SH2D4A: variants seen among roughly 807,000 people sequenced by gnomAD.
SH2D4A encodes the protein SH2 domain-containing protein 4A.
In SH2D4A, 70 loss-of-function variants were observed where a neutral mutation model predicts 64.7. The ratio of observed to expected loss-of-function variants is 1.08; its 90% confidence interval spans 0.89 to 1.32. SH2D4A has a LOEUF of 1.32. SH2D4A is among the 40% of genes most tolerant of loss of function. The pLI, the probability that SH2D4A is intolerant of heterozygous loss-of-function variation, is 0.00. For synonymous variants in SH2D4A, 268 were observed against 200.7 expected (o/e 1.34, Z -2.83); for missense variants, 706 against 540.1 (o/e 1.31, Z -3.04).
intron 1 of SH2D4A, among the ~76,000 whole-genome samples, chr8:19,318,009 T>A (rs2052119521): frequency 6.6e-6 from 1 of 152,136 alleles, no homozygotes; most frequent in Non-Finnish European, 1.5e-5. Flanking sequence ...TCAAGCGATC[T>A]CCTGTCTCAG....
intron 4 of SH2D4A, among the ~76,000 whole-genome samples, chr8:19,338,113 G>A (rs1289771921): frequency 6.6e-6 from 1 of 152,098 alleles, no homozygotes; most frequent in Non-Finnish European, 1.5e-5. Context: ...CAGCAGCCCT[G>A]GGTAGTGAAT....
chr8:19,394,598 G>T lies in SH2D4A; in HGVS notation c.1321G>T (p.Gly441Cys), dbSNP rs781212047. ...LGKELLLYPC[G>C]QQDQLPDYLE... ...GAAGGAGCTCCTTCTCTATCCCTGT[G>T]GTCAGCAGGACCAGCTGCCTGACTA... is the stretch of plus-strand genomic sequence containing the variant. Residue 441 changes from glycine (G) to cysteine (C), a missense_variant, in exon 10 of 10, where the codon GGT (glycine) becomes TGT (cysteine). Gly to Cys is a radical substitution (Grantham distance 159). Transcript: ENST00000265807. 1.9e-6 allele frequency: 3 copies of T among 1,608,274 alleles called. No homozygotes were observed. Among genetic ancestry groups the T allele is most frequent in the African/African-American group, 1.3e-5 (1 of 74,872 alleles).
At chr8:19,377,716 ATTC>A (rs1246446773) in intron 8 of SH2D4A, among the ~76,000 whole-genome samples, 1 of 151,768 alleles carries the variant, frequency 6.6e-6, no homozygotes, top group African/African-American at 2.4e-5. Flanking sequence ...ACGTATCATT[ATTC>A]ATCTCTCCTA....
intron 8 of SH2D4A, among the ~76,000 whole-genome samples, chr8:19,383,111 A>G (rs2053325735): frequency 6.6e-6 from 1 of 151,882 alleles, no homozygotes; most frequent in South Asian, 2.1e-4. Context: ...CTTGCATCAA[A>G]TTTGGGAAGT....
chr8:19,347,352 G>A (rs377153031), intron 4 of SH2D4A, among the ~76,000 whole-genome samples: 3 of 152,186 alleles, frequency 2.0e-5, no homozygotes, highest in East Asian at 3.8e-4. Flanking sequence ...TGTGTGAACC[G>A]ACTCACCCTA....
intron 4 of SH2D4A, among the ~76,000 whole-genome samples, chr8:19,342,980 G>C (rs900543527): frequency 6.6e-6 from 1 of 152,140 alleles, no homozygotes; most frequent in Non-Finnish European, 1.5e-5. Context: ...GCTCTAGCAC[G>C]CTGCTTCCGT....
chr8:19,334,742 A>ATC lies in SH2D4A; in HGVS notation c.400_401dup (p.Gln135CysfsTer58). On this transcript the variant is annotated frameshift_variant, in exon 4 of 10. Coordinates refer to ENST00000265807, the MANE Select transcript of SH2D4A (RefSeq NM_022071.4). LOFTEE classifies it high-confidence loss of function. ...TTGAAAACAAAATCACAGTACCATGATCTGCAGGCTCCGGATAACCAGCAG... is the reference window on the plus strand; with the variant it reads ...TTGAAAACAAAATCACAGTACCATGATCTCTGCAGGCTCCGGATAACCAGCAG... The ATC allele has an allele frequency of 6.2e-7, 1 of 1,614,142 alleles. No homozygotes were observed.
intron 7 of SH2D4A, among the ~76,000 whole-genome samples, chr8:19,369,790 C>T (rs1052065243): frequency 2.0e-5 from 3 of 151,934 alleles, no homozygotes; most frequent in African/African-American, 7.2e-5. Context: ...TCATATTTTG[C>T]ACAGTTCTGT....
intron 4 of SH2D4A, among the ~76,000 whole-genome samples, chr8:19,340,601 C>CTTT (rs535915285): frequency 8.6e-4 from 86 of 100,318 alleles, no homozygotes; most frequent in East Asian, 1.7e-3. Context: ...TTCTTTCTTT[C>CTTT]TTTTTTTTTT....
intron 4 of SH2D4A, among the ~76,000 whole-genome samples, chr8:19,340,234 G>T (rs1342505444): frequency 2.0e-5 from 3 of 152,272 alleles, no homozygotes; most frequent in African/African-American, 7.2e-5. Flanking sequence ...GCATTGTCGG[G>T]GGGTGGGGCA....
intron 2 of SH2D4A, among the ~76,000 whole-genome samples, chr8:19,329,133 G>T (rs939599059): frequency 5.3e-5 from 8 of 152,214 alleles, no homozygotes; most frequent in African/African-American, 1.9e-4. Flanking sequence ...TGGTCATGTT[G>T]TTCTTTGCAT....
intron 4 of SH2D4A, among the ~76,000 whole-genome samples, chr8:19,343,025 T>C (rs114132141): frequency 0.037 from 5,701 of 152,306 alleles, 165 homozygotes; most frequent in South Asian, 0.094. Flanking sequence ...GCAGCCTCTC[T>C]GCCCTGCACT....
chr8:19,318,478 C>T (rs1451411120), intron 1 of SH2D4A, among the ~76,000 whole-genome samples: 1 of 152,240 alleles, frequency 6.6e-6, no homozygotes, highest in South Asian at 2.1e-4. Context: ...TTTCCAACCA[C>T]AGGAGAACTT....
intron 1 of SH2D4A, among the ~76,000 whole-genome samples, chr8:19,314,687 G>A: frequency 6.6e-6 from 1 of 152,106 alleles, no homozygotes; most frequent in East Asian, 1.9e-4. Flanking sequence ...TGGTTTAATA[G>A]AAACAACGAC....
At chr8:19,315,709 C>T (rs935223077) in intron 1 of SH2D4A, among the ~76,000 whole-genome samples, 6 of 152,118 alleles carry the variant, frequency 3.9e-5, no homozygotes, top group African/African-American at 1.2e-4. Flanking sequence ...CTTGAATAAC[C>T]GGAGATTTGC....
chr8:19,317,822 G>T (rs879046218), intron 1 of SH2D4A, among the ~76,000 whole-genome samples: 2 of 152,150 alleles, frequency 1.3e-5, no homozygotes, highest in South Asian at 4.1e-4. Flanking sequence ...GAGAAACAAC[G>T]TATTTGAGAG....
intron 6 of SH2D4A, among the ~76,000 whole-genome samples, chr8:19,362,524 C>T (rs1007257511): frequency 6.6e-6 from 1 of 152,078 alleles, no homozygotes; most frequent in African/African-American, 2.4e-5. Flanking sequence ...TGGATCACTT[C>T]AGGTCATGAG....
intron 2 of SH2D4A, among the ~76,000 whole-genome samples, chr8:19,327,808 C>T (rs139556007): frequency 5.3e-4 from 80 of 152,306 alleles, no homozygotes; most frequent in Middle Eastern, 3.4e-3. Flanking sequence ...TCACAATAAA[C>T]GCCAGAGCAC....
At chr8:19,371,729 C>G (rs1234415625) in intron 7 of SH2D4A, among the ~76,000 whole-genome samples, 20 of 152,024 alleles carry the variant, frequency 1.3e-4, no homozygotes, top group Non-Finnish European at 2.9e-5. Flanking sequence ...TCCCACAGAC[C>G]CCATAAGCTT....
Sources: gnomAD v4.1 joint callset for allele counts (sites outside exome capture counted in the v4.1 genomes callset) on GRCh38, gnomAD v4.1.1 for gene constraint, MANE v1.5 for transcripts, NCBI Gene and HGNC (gene_info 2026-07-23, HGNC 2026-07-21) for gene names.